TKFC: variants seen among roughly 807,000 people sequenced by gnomAD.
TKFC encodes triokinase and FMN cyclase, also known as triokinase/FMN cyclase.
In TKFC, 46 loss-of-function variants were observed where a neutral mutation model predicts 61.0. The observed-to-expected ratio is 0.75, with a 90% CI of 0.60 to 0.96. The LOEUF (loss-of-function observed/expected upper bound fraction) is 0.96, where lower values mean the gene tolerates loss of function less well. Ranked by LOEUF, TKFC falls within the 50% of genes least tolerant of loss-of-function variation. The pLI, the probability that TKFC is intolerant of heterozygous loss-of-function variation, is 0.00. For missense variants in TKFC, 715 were observed against 777.5 expected (o/e 0.92, Z 0.96); for synonymous variants, 314 against 330.1 (o/e 0.95, Z 0.53).
Position 61,337,971 on chromosome 11 carries a change from GGC to G in TKFC, c.35_36del (p.Gly12ValfsTer3). 1 of 1,609,732 alleles carries G rather than the reference GGC, an allele frequency of 6.2e-7. No homozygotes were observed. Among genetic ancestry groups the G allele is most frequent in the Non-Finnish European group, 8.5e-7 (1 of 1,178,590 alleles). On this transcript the variant is annotated frameshift_variant, in exon 3 of 18. Coordinates refer to ENST00000394900, the MANE Select transcript of TKFC (RefSeq NM_015533.4). ...CAAGAAGCTGGTGAACTCGGTGGCTGGCTGTGCTGATGACGCTCTTGCTGGCC... is the reference window on the plus strand; with the variant it reads ...CAAGAAGCTGGTGAACTCGGTGGCTGTGTGCTGATGACGCTCTTGCTGGCC... ...TSKKLVNSVA[G>X]CADDALAGLV...
At position 61,338,031 on chromosome 11, in the gene TKFC, C is replaced by T; in HGVS notation, c.94C>T (p.Gln32Ter). 1 of 1,613,670 alleles carries T rather than the reference C, an allele frequency of 6.2e-7. No homozygotes were observed. ...VACNPNLQLL[Q>*]GHRVALRSDL... is the part of the protein sequence containing the mutation. ...CTGCAACCCCAACCTGCAGCTCCTG[C>T]AGGGCCACCGCGTGGCCCTCCGTTC... The change falls in exon 3 of 18, where the codon CAG (glutamine) becomes TAG (stop). Residue 32 changes from glutamine (Q) to a stop codon, truncating the protein, a stop_gained. Transcript: ENST00000394900. LOFTEE classifies it high-confidence loss of function.
rs1565055635 is a variant in TKFC at position 61,343,993 on chromosome 11, TG to T, written c.1102+22del. 6.2e-7 allele frequency: 1 copy of T among 1,609,382 alleles called. No homozygotes were observed. ...TGCAGGAGGTACCAACCCCTGCCTT[TG>T]GGGAAGGGACAGGCTTCCCAAAGGA... On this transcript the variant is annotated intron_variant, in intron 12 of 17. Coordinates refer to ENST00000394900, the MANE Select transcript of TKFC (RefSeq NM_015533.4).
downstream of TKFC, chr11:61,349,890 C>T (rs1424098396): frequency 1.3e-5 from 7 of 530,176 alleles, no homozygotes; most frequent in South Asian, 2.1e-5. Context: ...GGGAAGTGGA[C>T]GGACACCTCA....
downstream of TKFC, chr11:61,350,487 TG>T: frequency 6.3e-7 from 1 of 1,588,864 alleles, no homozygotes; most frequent in East Asian, 2.3e-5. Flanking sequence ...AGGCCCAAGC[TG>T]TTCAGACAGA....
downstream of TKFC, chr11:61,353,350 C>T: frequency 1.5e-6 from 1 of 668,754 alleles, no homozygotes; most frequent in Non-Finnish European, 2.5e-6. Context: ...TAGCTACCAT[C>T]CCACTCCCAG....
rs1857123327 is a variant in TKFC at position 61,346,317 on chromosome 11, G to A, written c.1576-34G>A. 1 of 1,610,430 alleles carries A rather than the reference G, an allele frequency of 6.2e-7. No individual in the cohort carries two copies. Among genetic ancestry groups the A allele is most frequent in the Admixed American group, 1.7e-5 (1 of 59,990 alleles). On this transcript the variant is annotated intron_variant, in intron 17 of 17. Transcript: ENST00000394900. This position sits in a 1 kb window ranked among gnomAD's most constrained non-coding sequence, Gnocchi z 4.1. ...CAGGAAGGAGGCGGCCTGGTGATCTGCCCTTGAACCTGCTCCCACACCCCA... is the reference window on the plus strand; with the variant it reads ...CAGGAAGGAGGCGGCCTGGTGATCTACCCTTGAACCTGCTCCCACACCCCA...
downstream of TKFC, chr11:61,350,580 C>T (rs1684848951): frequency 1.2e-6 from 1 of 862,588 alleles, no homozygotes; most frequent in African/African-American, 1.7e-5. Flanking sequence ...GGTACACACC[C>T]CGTCTCCCTA....
chr11:61,333,809 A>C (rs1238048051), intron 1 of TKFC: 2 of 152,246 alleles, frequency 1.3e-5, no homozygotes, highest in African/African-American at 4.8e-5. Context: ...CCCGGGAACA[A>C]GAGGAATACC....
intron 15 of TKFC, 45 bp downstream of exon 15, chr11:61,345,610 G>A (rs370434852): frequency 3.2e-5 from 51 of 1,611,922 alleles, no homozygotes; most frequent in Non-Finnish European, 3.8e-5. Context: ...GGCTGGGGGA[G>A]GTGTTTGGTG....
intron 2 of TKFC, among the ~76,000 whole-genome samples, chr11:61,337,186 C>T (rs1038633063): frequency 2.0e-5 from 3 of 152,174 alleles, no homozygotes. Context: ...CACTCTGTCA[C>T]CTAGGCTGGA....
Position 61,333,288 on chromosome 11 carries a change from G to A in TKFC, c.-151G>A. On this transcript the variant is annotated 5_prime_UTR_variant, in exon 1 of 18. Transcript: ENST00000394900. ...TTCGGGGTCTCCGGGAAGTCGCGGC[G>A]CCTTCGGATGTGGCGGATGCGGCCG... 4.1e-6 allele frequency: 1 copy of A among 243,680 alleles called. No homozygotes were observed. Among genetic ancestry groups the A allele is most frequent in the Non-Finnish European group, 7.8e-6 (1 of 127,530 alleles). 15.1% of individuals were successfully genotyped at this position (243,680 alleles called of 1,614,324 possible). A position where few individuals can be genotyped will look rare whatever the true frequency, so the allele number is the denominator to read the frequency against.
Position 61,339,239 on chromosome 11 carries a change from C to A in TKFC, c.305-15C>A, listed in dbSNP as rs201898222. The A allele has an allele frequency of 1.9e-6, 3 of 1,611,620 alleles. No individual in the cohort carries two copies. The African/African-American group carries it at 4.0e-5, about 22-fold the overall frequency. On this transcript the variant is annotated splice_polypyrimidine_tract_variant and intron_variant, in intron 4 of 17. Transcript: ENST00000394900. ...GCACAGTAAGCACACTGAGCCCTTC[C>A]GGCTGCTCCCGCAGTGGGGACGCTC...
At chr11:61,339,024 G>A (rs199784392) in intron 3 of TKFC, 42 bp from the exon 4 acceptor site, 269 of 1,570,684 alleles carry the variant, frequency 1.7e-4, no homozygotes, top group Middle Eastern at 1.3e-3. Context: ...CTACAGGCGC[G>A]AGTCCCACCC....
chr11:61,340,136 G>A (rs1237281861), intron 5 of TKFC, among the ~76,000 whole-genome samples: 3 of 151,934 alleles, frequency 2.0e-5, no homozygotes, highest in Non-Finnish European at 2.9e-5. Context: ...TCAGCCTCCC[G>A]AGTAGCTGGG....
rs10594002 is a variant in TKFC, at chr11:61,347,538, CAAAAAAAA to C, written c.*1050_*1057del. 1.0e-5 allele frequency: 9 copies of C among 876,136 alleles called. No individual in the cohort carries two copies. The highest frequency in any genetic ancestry group is 6.2e-5 in the African/African-American group (3 of 48,198). The allele number at this position is 876,136 out of a possible 1,614,324, so 54.3% of individuals were successfully genotyped here. A position where few individuals can be genotyped will look rare whatever the true frequency, so the allele number is the denominator to read the frequency against. On this transcript the variant is annotated 3_prime_UTR_variant, in exon 18 of 18. Coordinates refer to ENST00000394900, the MANE Select transcript of TKFC (RefSeq NM_015533.4). ...TGGGCAACAAAGCGAGACCCTGTCT[CAAAAAAAA>C]AAAAAAAAAAAAAAGAAACTGCAGC...
rs75924231 is a variant in TKFC at position 61,339,169 on chromosome 11, C to T, written c.297C>T (p.Ala99=). The change falls in exon 4 of 18, where the codon GCC becomes GCT. Residue 99 remains alanine (A), a synonymous_variant. Transcript: ENST00000394900. ...ILAAIRAVAQ[A]GTVGTLLIVK... ...CAGCCATCAGGGCCGTGGCCCAGGCCGGCACAGGTAAGCCTGGCATGCAGG... is the reference window on the plus strand; with the variant it reads ...CAGCCATCAGGGCCGTGGCCCAGGCTGGCACAGGTAAGCCTGGCATGCAGG... The T allele has an allele frequency of 4.6e-4, 747 of 1,613,576 alleles. 5 individuals carry two copies. In the African/African-American group the frequency reaches 7.7e-3, roughly 17 times the overall value.
At chr11:61,350,386 C>G, downstream of TKFC, 1 of 1,608,382 alleles carries the variant, frequency 6.2e-7, no homozygotes, top group Non-Finnish European at 8.5e-7. Context: ...CTTGGGAGCC[C>G]CTTCCTGCTG....
chr11:61,337,969 C>G lies in TKFC; in HGVS notation c.32C>G (p.Ala11Gly). The G allele has an allele frequency of 6.2e-7, 1 of 1,608,168 alleles. No individual in the cohort carries two copies. The highest frequency in any genetic ancestry group is 8.5e-7 in the Non-Finnish European group (1 of 1,178,028). Residue 11 changes from alanine (A) to glycine (G), a missense_variant, in exon 3 of 18, where the codon GCT (alanine) becomes GGT (glycine). Transcript: ENST00000394900. MTSKKLVNSV[A>G]GCADDALAGL... Reference sequence around the variant, plus strand: ...TCCAAGAAGCTGGTGAACTCGGTGGCTGGCTGTGCTGATGACGCTCTTGCT... The same window carrying G: ...TCCAAGAAGCTGGTGAACTCGGTGGGTGGCTGTGCTGATGACGCTCTTGCT...
Position 61,347,270 on chromosome 11 carries a change from G to A in TKFC, c.*767G>A, listed in dbSNP as rs761280594. On this transcript the variant is annotated 3_prime_UTR_variant, in exon 18 of 18. Coordinates refer to ENST00000394900, the MANE Select transcript of TKFC (RefSeq NM_015533.4). ...CAAAAAATGCAGCCAGGCCGGGCAC[G>A]GTGGCTCACACCTGCAATCCCAGCA... 1.4e-5 allele frequency: 14 copies of A among 985,332 alleles called. No homozygotes were observed. Among genetic ancestry groups the A allele is most frequent in the African/African-American group, 3.5e-5 (2 of 57,202 alleles). The allele number at this position is 985,332 out of a possible 1,614,324, so 61.0% of individuals were successfully genotyped here.
Sources: allele counts gnomAD v4.1 joint callset (sites outside exome capture counted in the v4.1 genomes callset), GRCh38; gene constraint gnomAD v4.1.1; non-coding constraint Gnocchi (gnomAD v3.1); transcripts MANE v1.5; gene names NCBI Gene and HGNC (gene_info 2026-07-23, HGNC 2026-07-21).